The following TIMP3 variants were observed in gnomAD, a reference collection of about 807,000 sequenced individuals.
TIMP3 encodes TIMP metallopeptidase inhibitor 3.
TIMP3 carries 11 observed loss-of-function variants against 30.0 expected under a neutral mutation model. The ratio of observed to expected loss-of-function variants is 0.37; its 90% CI spans 0.23 to 0.61. TIMP3 has a LOEUF of 0.61. Among genes scored for constraint, TIMP3 ranks in the 20% least tolerant of loss-of-function variants. The pLI is 0.70. For missense variants in TIMP3, 181 were observed against 276.8 expected (o/e 0.65, Z 2.45); for synonymous variants, 112 against 111.3 (o/e 1.01, Z -0.04).
rs2047760007 is a variant in TIMP3 at position 32,837,294 on chromosome 22, T to C, written c.122-12158T>C. On this transcript the variant is annotated intron_variant, in intron 1 of 4. Transcript: ENST00000266085. The surrounding 1 kb of genome is among the most constrained non-coding windows in gnomAD (Gnocchi z 4.1). ...GGATAAAGTTTCCCATGGGCCCCCG[T>C]GGAGAGGCTGGAGCACTCTCAGGGG... is the stretch of plus-strand genomic sequence containing the variant. 6.6e-6 allele frequency among the ~76,000 whole-genome samples: 1 copy of C among 152,176 alleles called. No homozygotes were observed. Among genetic ancestry groups the C allele is most frequent in the African/African-American group, 2.4e-5 (1 of 41,454 alleles).
At chr22:32,841,096 T>C (rs2146196304) in intron 1 of TIMP3, among the ~76,000 whole-genome samples, 1 of 152,366 alleles carries the variant, frequency 6.6e-6, no homozygotes, top group Admixed American at 6.5e-5. Flanking sequence ...AATCACTCTG[T>C]GTGTGGCACT....
intron 1 of TIMP3, among the ~76,000 whole-genome samples, chr22:32,827,286 C>T (rs142971935): frequency 6.4e-4 from 97 of 152,306 alleles, no homozygotes; most frequent in African/African-American, 1.7e-3. Flanking sequence ...CAGGCGTGGC[C>T]TATAGCAAAG....
chr22:32,825,462 C>T (rs529859712), intron 1 of TIMP3, among the ~76,000 whole-genome samples: 1 of 151,764 alleles, frequency 6.6e-6, no homozygotes. Context: ...AGCTCAAGAC[C>T]AGTCTGGCCA....
intron 1 of TIMP3, among the ~76,000 whole-genome samples, chr22:32,817,072 A>AG (rs1402949393): frequency 6.6e-6 from 1 of 151,194 alleles, no homozygotes; most frequent in Non-Finnish European, 1.5e-5. Flanking sequence ...TAAAAAAAAA[A>AG]AAAAGAAAAG....
intron 1 of TIMP3, among the ~76,000 whole-genome samples, chr22:32,803,103 C>T: frequency 6.6e-6 from 1 of 152,130 alleles, no homozygotes; most frequent in Non-Finnish European, 1.5e-5. Context: ...CATCTCTCTC[C>T]TCCTTTCCAG....
chr22:32,840,712 CTT>C (rs1468149791), intron 1 of TIMP3, among the ~76,000 whole-genome samples: 1 of 152,166 alleles, frequency 6.6e-6, no homozygotes, highest in East Asian at 1.9e-4. Flanking sequence ...AACTGAGTCT[CTT>C]CTGCAGGATG....
At chr22:32,809,213 C>T (rs564954874) in intron 1 of TIMP3, among the ~76,000 whole-genome samples, 1 of 152,330 alleles carries the variant, frequency 6.6e-6, no homozygotes, top group South Asian at 2.1e-4. Context: ...CCACTTGCAA[C>T]CTATACTTGC....
intron 1 of TIMP3, among the ~76,000 whole-genome samples, chr22:32,825,053 G>A (rs948549729): frequency 1.3e-5 from 2 of 152,054 alleles, no homozygotes; most frequent in Admixed American, 1.3e-4. Flanking sequence ...TCCAATGAGC[G>A]CAGAAAAGGG....
At chr22:32,855,345 C>CCT (rs1228036082) in intron 2 of TIMP3, among the ~76,000 whole-genome samples, 2 of 152,228 alleles carry the variant, frequency 1.3e-5, no homozygotes, top group African/African-American at 4.8e-5. Context: ...CACTGTGCCT[C>CCT]TGAAGGAGGC....
intron 1 of TIMP3, among the ~76,000 whole-genome samples, chr22:32,843,723 C>T (rs11704023): frequency 6.6e-6 from 1 of 152,102 alleles, no homozygotes; most frequent in Admixed American, 6.5e-5. Flanking sequence ...GGCTTTTCTT[C>T]CTACCTAGAG....
In TIMP3 at chr22:32,844,561, G is replaced by A. The variant is rs5754310; in HGVS notation, c.122-4891G>A. Among the ~76,000 whole-genome samples the A allele has an allele frequency of 3.5e-4, 54 of 152,258 alleles. No individual in the cohort carries two copies. The East Asian group carries it at 8.3e-3, about 23-fold the overall frequency. On this transcript the variant is annotated intron_variant, in intron 1 of 4. Coordinates refer to ENST00000266085, the MANE Select transcript of TIMP3 (RefSeq NM_000362.5). ...TGCCTCTATGCCTGGCTTCTCAGGC[G>A]CATGATATATTCAAGAGGGCCCCAT...
At chr22:32,802,214 C>CT in intron 1 of TIMP3, 92 bp downstream of exon 1, 1 of 1,498,684 alleles carries the variant, frequency 6.7e-7, no homozygotes, top group Non-Finnish European at 8.9e-7. Flanking sequence ...CTCCTTTCCT[C>CT]TGCCCCAGGA....
At position 32,802,060 on chromosome 22, in the gene TIMP3, G is replaced by A. The variant is rs745604958; in HGVS notation, c.59G>A (p.Gly20Asp). 6.3e-7 allele frequency: 1 copy of A among 1,576,466 alleles called. No homozygotes were observed. Among genetic ancestry groups the A allele is most frequent in the South Asian group, 1.2e-5 (1 of 86,574 alleles). The part of the protein sequence containing the change: ...LLGSWSLGDW[G>D]AEACTCSPSH... ...GGCAGCTGGAGCCTGGGGGACTGGGGCGCCGAGGCGTGCACATGCTCGCCC... is the reference window on the plus strand; with the variant it reads ...GGCAGCTGGAGCCTGGGGGACTGGGACGCCGAGGCGTGCACATGCTCGCCC... Residue 20 changes from glycine (G) to aspartate (D), a missense_variant, in exon 1 of 5, where the codon GGC (glycine) becomes GAC (aspartate). Around this residue, in one of 3 missense-constraint regions of TIMP3, gnomAD observed 71 missense variants for 79.7 expected, o/e 0.89. Transcript: ENST00000266085.
At chr22:32,850,602 T>C (rs2146251008) in intron 2 of TIMP3, among the ~76,000 whole-genome samples, 1 of 151,776 alleles carries the variant, frequency 6.6e-6, no homozygotes, top group South Asian at 2.1e-4. Flanking sequence ...GGAACTAGAG[T>C]CAGGTTGGGA....
intron 1 of TIMP3, among the ~76,000 whole-genome samples, chr22:32,825,080 T>C (rs910634592): frequency 6.6e-6 from 1 of 152,016 alleles, no homozygotes; most frequent in Non-Finnish European, 1.5e-5. Context: ...CTCAGGCAGA[T>C]AGGATTTCTT....
At chr22:32,833,850 C>A in intron 1 of TIMP3, 1 of 501,182 alleles carries the variant, frequency 2.0e-6, no homozygotes, top group East Asian at 6.5e-5. Context: ...TAGCACTGAT[C>A]ATGCATGGAA....
At chr22:32,855,842 T>C (rs972365246) in intron 2 of TIMP3, among the ~76,000 whole-genome samples, 1 of 152,230 alleles carries the variant, frequency 6.6e-6, no homozygotes, top group African/African-American at 2.4e-5. Flanking sequence ...TATTAGATTA[T>C]GTCGTAGATA....
chr22:32,844,020 C>T (rs1016276760), intron 1 of TIMP3, among the ~76,000 whole-genome samples: 10 of 152,182 alleles, frequency 6.6e-5, no homozygotes, highest in Non-Finnish European at 1.0e-4. Context: ...ACTGCTCTTC[C>T]GTTGATGCTA....
chr22:32,851,844 T>G (rs932992938), intron 2 of TIMP3, among the ~76,000 whole-genome samples: 3 of 152,182 alleles, frequency 2.0e-5, no homozygotes, highest in Non-Finnish European at 4.4e-5. Context: ...GTCAGTGCCC[T>G]TCTATCCAGA....
Sources: gnomAD v4.1 joint callset for allele counts (sites outside exome capture counted in the v4.1 genomes callset) on GRCh38, gnomAD v4.1.1 for gene constraint, gnomAD v4.1.1 regional missense constraint, Gnocchi (gnomAD v3.1) non-coding constraint, MANE v1.5 for transcripts, NCBI Gene and HGNC (gene_info 2026-07-23, HGNC 2026-07-21) for gene names.